DSCAM: variants seen among roughly 807,000 people sequenced by gnomAD.
The protein encoded by DSCAM is cell adhesion molecule DSCAM.
In DSCAM, 47 loss-of-function variants were observed where a neutral mutation model predicts 217.7. The ratio of observed to expected loss-of-function variants is 0.22; its 90% CI spans 0.17 to 0.28. DSCAM has a LOEUF of 0.28. Ranked by LOEUF, DSCAM falls within the 10% of genes least tolerant of loss-of-function variation. The probability of loss-of-function intolerance (pLI) is 1.00; values close to 1 mark genes in which losing one functional copy is unlikely to be tolerated. For missense variants in DSCAM, 2,080 were observed against 2,618.3 expected (o/e 0.79, Z 4.49); for synonymous variants, 1,056 against 1,015.3 (o/e 1.04, Z -0.76).
rs758559774 is a variant in DSCAM, at chr21:40,133,888, C to A, written c.3528G>T (p.Arg1176Ser). 6.2e-7 allele frequency: 1 copy of A among 1,613,452 alleles called. No homozygotes were observed. Among genetic ancestry groups the A allele is most frequent in the Admixed American group, 1.7e-5 (1 of 59,980 alleles). The change falls in exon 19 of 33, where the codon AGG becomes AGT. Residue 1176 changes from arginine (R) to serine (S), a missense_variant. Around this residue, in one of 5 missense-constraint regions of DSCAM, gnomAD observed 1,144 missense variants for 1,421.1 expected, o/e 0.81. Coordinates refer to ENST00000400454, the MANE Select transcript of DSCAM (RefSeq NM_001389.5). ...LAFTRAGDGV[R>S]SEQIFTRTKE... ...TGGTCCGGGTGAAGATCTGCTCACT[C>A]CTGACCCCGTCTCCTGCGCGGGTGA... is the stretch of plus-strand genomic sequence containing the variant.
At chr21:40,769,399 G>A (rs1486381725) in intron 1 of DSCAM, among the ~76,000 whole-genome samples, 1 of 152,214 alleles carries the variant, frequency 6.6e-6, no homozygotes, top group Non-Finnish European at 1.5e-5. Flanking sequence ...ATGGGGAGAA[G>A]GAGATGAGGC....
chr21:40,123,559 T>G (rs957842393), intron 20 of DSCAM, among the ~76,000 whole-genome samples: 1 of 152,190 alleles, frequency 6.6e-6, no homozygotes, highest in Non-Finnish European at 1.5e-5. Flanking sequence ...AACTTTATAA[T>G]GATTATTCAG....
At chr21:40,490,668 T>C (rs1010762670) in intron 3 of DSCAM, among the ~76,000 whole-genome samples, 5 of 152,196 alleles carry the variant, frequency 3.3e-5, no homozygotes, top group South Asian at 2.1e-4. Context: ...AGGCAGGAGC[T>C]TCTGGCACTT....
At chr21:40,120,730 T>A (rs80173875) in intron 20 of DSCAM, among the ~76,000 whole-genome samples, 1,618 of 152,298 alleles carry the variant, frequency 0.011, 30 homozygotes, top group African/African-American at 0.037. Flanking sequence ...TCAGTCCACA[T>A]CATCTTTAGA....
At chr21:40,310,066 T>TA (rs577384114) in intron 9 of DSCAM, among the ~76,000 whole-genome samples, 1 of 152,300 alleles carries the variant, frequency 6.6e-6, no homozygotes, top group Admixed American at 6.5e-5. Flanking sequence ...TTTTACAAAT[T>TA]ATTGATGCCT....
At chr21:40,723,034 T>C (rs1448875151) in intron 1 of DSCAM, among the ~76,000 whole-genome samples, 1 of 151,120 alleles carries the variant, frequency 6.6e-6, no homozygotes, top group Non-Finnish European at 1.5e-5. Flanking sequence ...TCTGCTGGAA[T>C]TAAAGTGAAA....
rs10658416 is a variant in DSCAM, at chr21:40,350,877, C to CTTTTTTT, written c.934+2581_934+2587dup. Reference sequence around the variant, plus strand: ...AAAAGTGTTTAGCAAATAAGTCATACTTTTTTTTTTTTTTTTTTTTTTTTT... The same window carrying CTTTTTTT: ...AAAAGTGTTTAGCAAATAAGTCATACTTTTTTTTTTTTTTTTTTTTTTTTTTTTTTTT... On this transcript the variant is annotated intron_variant, in intron 5 of 32. Coordinates refer to ENST00000400454, the MANE Select transcript of DSCAM (RefSeq NM_001389.5). Among the ~76,000 whole-genome samples, 165 of 63,876 alleles carry CTTTTTTT rather than the reference C, an allele frequency of 2.6e-3. 27 individuals are homozygous for CTTTTTTT. The highest frequency in any genetic ancestry group is 9.9e-3 in the African/African-American group (153 of 15,416). The allele number at this position is 63,876 out of a possible 152,430, so 41.9% of individuals were successfully genotyped here.
At chr21:40,048,822 A>G (rs1174463680) in intron 30 of DSCAM, among the ~76,000 whole-genome samples, 1 of 152,214 alleles carries the variant, frequency 6.6e-6, no homozygotes, top group African/African-American at 2.4e-5. Context: ...CTCTGGTGCA[A>G]GAAGCTAGTG....
chr21:40,563,618 TTA>T (rs1217835952), intron 3 of DSCAM, among the ~76,000 whole-genome samples: 13 of 124,202 alleles, frequency 1.0e-4, no homozygotes, highest in South Asian at 2.4e-4. Flanking sequence ...GTTTACATGT[TTA>T]TATATAGTTA....
chr21:40,511,370 A>G (rs1164269412), intron 3 of DSCAM, among the ~76,000 whole-genome samples: 2 of 152,214 alleles, frequency 1.3e-5, no homozygotes, highest in Non-Finnish European at 2.9e-5. Context: ...AATGTAAGTT[A>G]TTACATTAAT....
intron 3 of DSCAM, among the ~76,000 whole-genome samples, chr21:40,559,675 T>A (rs1470805175): frequency 6.6e-6 from 1 of 152,012 alleles, no homozygotes; most frequent in African/African-American, 2.4e-5. Flanking sequence ...CTATAAGTCA[T>A]ATAGAAGTCA....
intron 20 of DSCAM, among the ~76,000 whole-genome samples, chr21:40,097,158 T>A (rs2089686917): frequency 6.6e-6 from 1 of 152,130 alleles, no homozygotes; most frequent in Admixed American, 6.5e-5. Flanking sequence ...ATTTAAATAT[T>A]ATTAAAATAT....
intron 28 of DSCAM, among the ~76,000 whole-genome samples, chr21:40,057,153 T>C (rs1285573732): frequency 1.4e-4 from 22 of 152,226 alleles, no homozygotes; most frequent in Non-Finnish European, 2.6e-4. Context: ...ACCAGATTGC[T>C]TGCTCTGCAG....
chr21:40,031,174 G>C (rs1248726876), intron 32 of DSCAM, among the ~76,000 whole-genome samples: 2 of 152,128 alleles, frequency 1.3e-5, no homozygotes, highest in Non-Finnish European at 2.9e-5. Flanking sequence ...GCGAAATCCT[G>C]GGCTGTGCCA....
intron 11 of DSCAM, among the ~76,000 whole-genome samples, chr21:40,193,088 C>G (rs937799686): frequency 1.2e-4 from 19 of 152,138 alleles, no homozygotes; most frequent in Non-Finnish European, 2.5e-4. Context: ...TGTTAAGATT[C>G]AGCATTTATG....
At chr21:40,843,790 CTTT>C (rs56383167) in intron 1 of DSCAM, among the ~76,000 whole-genome samples, 5 of 118,970 alleles carry the variant, frequency 4.2e-5, no homozygotes, top group Non-Finnish European at 7.1e-5. Context: ...CTGACTTCTT[CTTT>C]TTTTTTTTTT....
At chr21:40,537,383 T>C (rs1318342258) in intron 3 of DSCAM, among the ~76,000 whole-genome samples, 1 of 152,158 alleles carries the variant, frequency 6.6e-6, no homozygotes, top group Non-Finnish European at 1.5e-5. Flanking sequence ...ACAGCACTCT[T>C]GAGTAACTAA....
chr21:40,390,596 C>T (rs915908393), intron 3 of DSCAM, among the ~76,000 whole-genome samples: 5 of 152,132 alleles, frequency 3.3e-5, no homozygotes, highest in African/African-American at 1.2e-4. Flanking sequence ...GTATTATTGG[C>T]AGGTCCGTAC....
chr21:40,493,200 A>C (rs980339627), intron 3 of DSCAM, among the ~76,000 whole-genome samples: 2 of 152,190 alleles, frequency 1.3e-5, no homozygotes, highest in Non-Finnish European at 2.9e-5. Context: ...TATATTTTTA[A>C]TGTCAAAATT....
Sources: allele counts gnomAD v4.1 joint callset (sites outside exome capture counted in the v4.1 genomes callset), GRCh38; gene constraint gnomAD v4.1.1; regional missense constraint gnomAD v4.1.1; transcripts MANE v1.5; gene names NCBI Gene and HGNC (gene_info 2026-07-23, HGNC 2026-07-21).